The following XRN1 variants were observed in gnomAD, a reference collection of about 807,000 sequenced individuals.
The protein encoded by XRN1 is 5'-3' exoribonuclease 1.
A neutral mutation model predicts 222.3 loss-of-function variants in XRN1; 67 were observed. That is an observed-to-expected ratio of 0.30 (90% CI 0.25 to 0.37). XRN1 has a LOEUF of 0.37. XRN1 is among the 10% of genes least tolerant of loss of function. The pLI, the probability that XRN1 is intolerant of heterozygous loss-of-function variation, is 1.00. For missense variants in XRN1, 1,707 were observed against 2,000.2 expected (o/e 0.85, Z 2.80); for synonymous variants, 643 against 652.4 (o/e 0.99, Z 0.22).
chr3:142,332,358 G>A lies in XRN1; in HGVS notation c.4222+17C>T. The A allele has an allele frequency of 6.6e-7, 1 of 1,521,530 alleles. No individual in the cohort carries two copies. The highest frequency in any genetic ancestry group is 9.0e-7 in the Non-Finnish European group (1 of 1,110,058). The allele number at this position is 1,521,530 out of a possible 1,614,324, so 94.3% of individuals were successfully genotyped here. ...TTTTAAAATGATATTATTGGTAATA[G>A]TATTTAGTTTACTTACCTAATTTCT... On this transcript the variant is annotated intron_variant, in intron 36 of 40. Transcript: ENST00000392981.
chr3:142,332,441 G>T lies in XRN1; in HGVS notation c.4156C>A (p.Pro1386Thr). 6.2e-7 allele frequency: 1 copy of T among 1,613,074 alleles called. No homozygotes were observed. The highest frequency in any genetic ancestry group is 8.5e-7 in the Non-Finnish European group (1 of 1,179,398). ...TCATCTCTTCTGTTAGAGGAAACAG[G>T]GATTTCATTAGCAATCTGTTTGATT... ...NEIKQIANEI[P>T]VSSNRRDEYG... Residue 1386 changes from proline to threonine, a missense_variant, in exon 36 of 41, where the codon CCT becomes ACT. Coordinates refer to ENST00000392981, the MANE Select transcript of XRN1 (RefSeq NM_001282857.2).
At position 142,370,583 on chromosome 3, in the gene XRN1, C is replaced by T. The variant is rs1219761899; in HGVS notation, c.3106G>A (p.Gly1036Arg). The T allele has an allele frequency of 3.1e-6, 5 of 1,592,616 alleles. No individual in the cohort carries two copies. Among genetic ancestry groups the T allele is most frequent in the Non-Finnish European group, 8.5e-7 (1 of 1,172,942 alleles). ...CGAGATAAAGTACTGACAGGATGTC[C>T]TTTTAGCCAAGTAATAATTTCTTGA... The part of the protein sequence containing the change: ...KVQEIITWLK[G>R]HPVSTLSRSS... The change falls in exon 27 of 41, where the codon GGA (glycine) becomes AGA (arginine). Residue 1036 changes from glycine to arginine, a missense_variant. Physicochemically the swap from Gly to Arg is moderately radical, Grantham distance 125. Coordinates refer to ENST00000392981, the MANE Select transcript of XRN1 (RefSeq NM_001282857.2).
intron 20 of XRN1, among the ~76,000 whole-genome samples, chr3:142,389,177 C>T (rs2067623275): frequency 6.6e-6 from 1 of 152,216 alleles, no homozygotes; most frequent in Admixed American, 6.5e-5. Context: ...CGCACCACTG[C>T]ACTCTGGCTT....
intron 3 of XRN1, among the ~76,000 whole-genome samples, chr3:142,425,979 T>C (rs995607610): frequency 6.6e-6 from 1 of 151,946 alleles, no homozygotes; most frequent in African/African-American, 2.4e-5. Context: ...TTCTGAAAAA[T>C]TATTATTAAT....
intron 15 of XRN1, among the ~76,000 whole-genome samples, chr3:142,410,628 G>A (rs2068536818): frequency 6.6e-6 from 1 of 151,106 alleles, no homozygotes; most frequent in African/African-American, 2.4e-5. Context: ...CTGAGAAGCT[G>A]GGACTACAGG....
intron 33 of XRN1, among the ~76,000 whole-genome samples, chr3:142,344,097 G>T (rs1014932741): frequency 6.6e-6 from 1 of 150,804 alleles, no homozygotes; most frequent in Non-Finnish European, 1.5e-5. Flanking sequence ...GAAGAGTAGT[G>T]GGGGGGAGGG....
chr3:142,396,771 G>A (rs1437003622), intron 20 of XRN1, among the ~76,000 whole-genome samples: 1 of 152,052 alleles, frequency 6.6e-6, no homozygotes, highest in Non-Finnish European at 1.5e-5. Flanking sequence ...CTTTTGTTTT[G>A]GGAATTCTTG....
At chr3:142,317,223 T>C (rs2065235654) in intron 39 of XRN1, among the ~76,000 whole-genome samples, 1 of 152,206 alleles carries the variant, frequency 6.6e-6, no homozygotes, top group African/African-American at 2.4e-5. Flanking sequence ...GAGATGCATA[T>C]CGTTTTGTTT....
rs1360064728 is a variant in XRN1, at chr3:142,312,702, C to T, written c.4678G>A (p.Val1560Met). 1.2e-6 allele frequency: 2 copies of T among 1,613,772 alleles called. No individual in the cohort carries two copies. The highest frequency in any genetic ancestry group is 1.7e-6 in the Non-Finnish European group (2 of 1,179,736). The change falls in exon 40 of 41, where the codon GTG (valine) becomes ATG (methionine). Residue 1560 changes from valine (V) to methionine (M), a missense_variant. Transcript: ENST00000392981. ...TGGAAGGGCTTCCCAGGAACTGGCA[C>T]CGATGGTCCCCATGGCATTGAGCCA... ...LFGSMPWGPS[V>M]PVPGKPFHHT...
rs775437670 is a variant in XRN1, at chr3:142,371,306, T to C, written c.3001A>G (p.Ile1001Val). Residue 1001 changes from isoleucine (I) to valine (V), a missense_variant, in exon 26 of 41, where the codon ATA (isoleucine) becomes GTA (valine). By Grantham distance (29) the Ile-to-Val change is conservative. Transcript: ENST00000392981. ...LERAPELFSYIAKNSQEDVFY... is the reference protein window; with the variant it reads ...LERAPELFSYVAKNSQEDVFY... ...ACATCCTCTTGGCTATTTTTGGCTA[T>C]ATAACTAAATAGTTCTGGAGCTCTG... 22 of 1,613,136 alleles carry C rather than the reference T, an allele frequency of 1.4e-5. No homozygotes were observed. In the East Asian group the frequency reaches 3.8e-4, roughly 28 times the overall value.
intron 37 of XRN1, among the ~76,000 whole-genome samples, chr3:142,328,313 T>C (rs2065577461): frequency 1.3e-5 from 2 of 152,168 alleles, no homozygotes; most frequent in Admixed American, 1.3e-4. Context: ...TGCCGTATCC[T>C]ACAGGTTTTG....
chr3:142,375,525 G>A lies in XRN1; in HGVS notation c.2978+273C>T, dbSNP rs914639406. Among the ~76,000 whole-genome samples, 6 of 152,286 alleles carry A rather than the reference G, an allele frequency of 3.9e-5. No individual in the cohort carries two copies. In the East Asian group the frequency reaches 7.7e-4, roughly 20 times the overall value. On this transcript the variant is annotated intron_variant, in intron 25 of 40. Transcript: ENST00000392981. ...CTCAGTGCTGACATAGGTATGCAAG[G>A]TAGTGAACAATGTATGATAGTAAGT...
chr3:142,445,685 C>A (rs562061356), intron 1 of XRN1, among the ~76,000 whole-genome samples: 1 of 152,238 alleles, frequency 6.6e-6, no homozygotes, highest in East Asian at 1.9e-4. Context: ...ATTCCACTTC[C>A]AGCATAACAT....
intron 2 of XRN1, chr3:142,429,641 T>C (rs2069435222): frequency 6.6e-6 from 1 of 152,174 alleles, no homozygotes; most frequent in African/African-American, 2.4e-5. Context: ...TAAATGCTTG[T>C]GGTGGTTATA....
At position 142,355,051 on chromosome 3, in the gene XRN1, A is replaced by C. The variant is rs550494138; in HGVS notation, c.3768+350T>G. Among the ~76,000 whole-genome samples, 23 of 148,844 alleles carry C rather than the reference A, an allele frequency of 1.5e-4. No homozygotes were observed. The South Asian group carries it at 5.1e-3, about 33-fold the overall frequency. ...GGGACACATGGTCATAAAAATGGGA[A>C]TAACAGACACTGGGGGTTACTACAG... On this transcript the variant is annotated intron_variant, in intron 32 of 40. Transcript: ENST00000392981.
At chr3:142,363,718 G>C (rs2066726862) in intron 29 of XRN1, among the ~76,000 whole-genome samples, 1 of 151,834 alleles carries the variant, frequency 6.6e-6, no homozygotes, top group African/African-American at 2.4e-5. Flanking sequence ...TTTGAAATCA[G>C]GTAGGGTAAA....
intron 32 of XRN1, among the ~76,000 whole-genome samples, chr3:142,351,649 G>A (rs2066309603): frequency 6.6e-6 from 1 of 151,958 alleles, no homozygotes; most frequent in African/African-American, 2.4e-5. Flanking sequence ...CTTTTACTGA[G>A]GAACGTTCCT....
intron 20 of XRN1, among the ~76,000 whole-genome samples, chr3:142,387,995 C>T (rs2067572093): frequency 6.6e-6 from 1 of 152,176 alleles, no homozygotes; most frequent in African/African-American, 2.4e-5. Context: ...TATGCTGATG[C>T]CATACTTCTT....
chr3:142,427,996 T>G (rs1049288787), intron 2 of XRN1, among the ~76,000 whole-genome samples: 15 of 152,246 alleles, frequency 9.9e-5, no homozygotes, highest in Non-Finnish European at 1.8e-4. Context: ...TTGTTTGTAT[T>G]ATCTGCAATG....
Sources: allele counts gnomAD v4.1 joint callset (sites outside exome capture counted in the v4.1 genomes callset), GRCh38; gene constraint gnomAD v4.1.1; transcripts MANE v1.5; gene names NCBI Gene and HGNC (gene_info 2026-07-23, HGNC 2026-07-21).